Variants in CSMD3 observed in about 807,000 individuals in gnomAD.
CSMD3 encodes the protein CUB and sushi domain-containing protein 3.
In CSMD3, 177 loss-of-function variants were observed where a neutral mutation model predicts 435.2. That is an observed-to-expected ratio of 0.41 (90% CI 0.36 to 0.46). The LOEUF (loss-of-function observed/expected upper bound fraction) is 0.46. Ranked by LOEUF, CSMD3 falls within the 20% of genes least tolerant of loss-of-function variation. The probability of loss-of-function intolerance (pLI) is 0.34; values close to 1 mark genes in which losing one functional copy is unlikely to be tolerated. For synonymous variants in CSMD3, 1,656 were observed against 1,520.5 expected (o/e 1.09, Z -2.07); for missense variants, 4,265 against 4,504.6 (o/e 0.95, Z 1.52).
intron 16 of CSMD3, among the ~76,000 whole-genome samples, chr8:112,676,507 T>C (rs1490884789): frequency 6.6e-6 from 1 of 152,136 alleles, no homozygotes. Context: ...CTTTAAATTA[T>C]TGAGGAAAAT....
chr8:112,930,976 T>A (rs2083088334), intron 9 of CSMD3, among the ~76,000 whole-genome samples: 1 of 152,092 alleles, frequency 6.6e-6, no homozygotes, highest in Non-Finnish European at 1.5e-5. Flanking sequence ...ATATTAAGCC[T>A]ATAATATAAA....
intron 10 of CSMD3, among the ~76,000 whole-genome samples, chr8:112,914,865 T>C (rs2082529670): frequency 2.0e-5 from 3 of 151,912 alleles, no homozygotes; most frequent in African/African-American, 7.2e-5. Context: ...CCAGCTATTA[T>C]TTTGAAACAA....
At chr8:112,296,548 T>C (rs1397029474) in intron 53 of CSMD3, among the ~76,000 whole-genome samples, 1 of 134,544 alleles carries the variant, frequency 7.4e-6, no homozygotes, top group African/African-American at 2.8e-5. Flanking sequence ...AGACTCCACC[T>C]CAAAAAAAAA....
chr8:113,122,445 A>G (rs1034463646), intron 4 of CSMD3, among the ~76,000 whole-genome samples: 1 of 152,116 alleles, frequency 6.6e-6, no homozygotes, highest in Non-Finnish European at 1.5e-5. Flanking sequence ...GATAATTATT[A>G]ACATTGAAGA....
chr8:112,397,377 T>C (rs866258830), intron 35 of CSMD3, among the ~76,000 whole-genome samples: 1 of 152,156 alleles, frequency 6.6e-6, no homozygotes, highest in Middle Eastern at 3.2e-3. Flanking sequence ...TTTAAAACGG[T>C]ATAAGGTAAT....
Position 112,511,935 on chromosome 8 carries a change from A to G in CSMD3, c.4756+5099T>C, listed in dbSNP as rs185964453. 3.1e-3 allele frequency among the ~76,000 whole-genome samples: 471 copies of G among 152,200 alleles called. 1 individual carries two copies. Among genetic ancestry groups the G allele is most frequent in the African/African-American group, 9.6e-3 (400 of 41,532 alleles). ...TCTCAACAAATCACTTTCTTTTCCC[A>G]TCCATAAGAAGCAACTCCTCATTCG... On this transcript the variant is annotated intron_variant, in intron 28 of 70. Coordinates refer to ENST00000297405, the MANE Select transcript of CSMD3 (RefSeq NM_198123.2).
intron 3 of CSMD3, among the ~76,000 whole-genome samples, chr8:113,270,137 T>A (rs1204848388): frequency 4.6e-5 from 7 of 151,932 alleles, no homozygotes; most frequent in Non-Finnish European, 7.4e-5. Flanking sequence ...ACCCCATCAA[T>A]AAGTGGGTGA....
At chr8:112,992,335 C>T (rs1041156858) in intron 6 of CSMD3, among the ~76,000 whole-genome samples, 6 of 151,180 alleles carry the variant, frequency 4.0e-5, no homozygotes, top group African/African-American at 1.5e-4. Context: ...AATGATAACA[C>T]GAAGGAAAGA....
chr8:113,205,618 G>C (rs2092762350), intron 3 of CSMD3, among the ~76,000 whole-genome samples: 1 of 152,136 alleles, frequency 6.6e-6, no homozygotes. Flanking sequence ...AGCAATGCAT[G>C]ACTTAACAGA....
chr8:112,996,382 T>C (rs1339994280), intron 6 of CSMD3, among the ~76,000 whole-genome samples: 1 of 151,686 alleles, frequency 6.6e-6, no homozygotes, highest in Non-Finnish European at 1.5e-5. Flanking sequence ...TTATTTCATA[T>C]AAATAAATTT....
Position 112,900,944 on chromosome 8 carries a change from C to T in CSMD3, c.1633+20683G>A, listed in dbSNP as rs908464055. 2.0e-5 allele frequency among the ~76,000 whole-genome samples: 3 copies of T among 151,270 alleles called. No individual in the cohort carries two copies. The East Asian group carries it at 5.9e-4, about 30-fold the overall frequency. On this transcript the variant is annotated intron_variant, in intron 10 of 70. Transcript: ENST00000297405. ...AGCCATCCTAACAGGTACATTAATT[C>T]TCCTTAAGATAGGGATACTTCTCAA...
intron 10 of CSMD3, among the ~76,000 whole-genome samples, chr8:112,883,873 T>C (rs1405670651): frequency 6.8e-6 from 1 of 146,856 alleles, no homozygotes; most frequent in Admixed American, 6.9e-5. Context: ...GTATAAAAAA[T>C]CAGTACCTTA....
intron 10 of CSMD3, among the ~76,000 whole-genome samples, chr8:112,918,215 TACA>T (rs144907622): frequency 0.033 from 5,092 of 152,008 alleles, 141 homozygotes; most frequent in Non-Finnish European, 0.047. Context: ...AATTGATCAG[TACA>T]ACAATAAATG....
At chr8:112,965,923 AT>A (rs2084399355) in intron 7 of CSMD3, among the ~76,000 whole-genome samples, 1 of 151,898 alleles carries the variant, frequency 6.6e-6, no homozygotes, top group Admixed American at 6.6e-5. Flanking sequence ...ATAAATATGT[AT>A]TTAAATGATA....
intron 9 of CSMD3, among the ~76,000 whole-genome samples, chr8:112,937,763 C>G (rs763319968): frequency 6.6e-6 from 1 of 152,182 alleles, no homozygotes; most frequent in African/African-American, 2.4e-5. Context: ...ACTTATCTTA[C>G]TGTTACTGTT....
intron 9 of CSMD3, among the ~76,000 whole-genome samples, chr8:112,945,320 C>A (rs999275104): frequency 6.6e-6 from 1 of 151,720 alleles, no homozygotes; most frequent in Non-Finnish European, 1.5e-5. Context: ...AGAAACCTAA[C>A]TAAAATTTAA....
At chr8:113,412,691 A>G (rs1013864639) in intron 1 of CSMD3, among the ~76,000 whole-genome samples, 3 of 152,110 alleles carry the variant, frequency 2.0e-5, no homozygotes, top group South Asian at 2.1e-4. Context: ...TATTGTATCA[A>G]TCTCCATACC....
chr8:112,695,216 CT>C (rs1045311411), intron 13 of CSMD3, among the ~76,000 whole-genome samples: 1 of 152,126 alleles, frequency 6.6e-6, no homozygotes, highest in African/African-American at 2.4e-5. Flanking sequence ...CTTTCCAGTT[CT>C]TTTTTCAAGA....
intron 66 of CSMD3, among the ~76,000 whole-genome samples, chr8:112,239,325 T>C (rs954316626): frequency 6.6e-6 from 1 of 152,108 alleles, no homozygotes; most frequent in Admixed American, 6.6e-5. Context: ...TTCGCATGGG[T>C]TATCTTTACT....
Sources: gnomAD v4.1 joint callset for allele counts (sites outside exome capture counted in the v4.1 genomes callset) on GRCh38, gnomAD v4.1.1 for gene constraint, MANE v1.5 for transcripts, NCBI Gene and HGNC (gene_info 2026-07-23, HGNC 2026-07-21) for gene names.